The following RBFOX1 variants were observed in gnomAD, a reference collection of about 807,000 sequenced individuals.
RBFOX1 encodes the protein RNA binding protein fox-1 homolog 1.
In RBFOX1, 8 loss-of-function variants were observed where a neutral mutation model predicts 57.7. That is an observed-to-expected ratio of 0.14 (90% confidence interval 0.08 to 0.25). The LOEUF is 0.25. Among genes scored for constraint, RBFOX1 ranks in the 10% least tolerant of loss-of-function variants. The pLI is 1.00. For missense variants in RBFOX1, 611 were observed against 548.5 expected (o/e 1.11, Z -1.14); for synonymous variants, 326 against 222.4 (o/e 1.47, Z -4.15).
chr16:7,237,769 G>C (rs2093843861), intron 4 of RBFOX1, among the ~76,000 whole-genome samples: 1 of 152,220 alleles, frequency 6.6e-6, no homozygotes. Flanking sequence ...ACTTTGGGAG[G>C]GTGAGGCGGA....
chr16:6,167,146 T>G (rs1347051884), intron 1 of RBFOX1, among the ~76,000 whole-genome samples: 1 of 152,206 alleles, frequency 6.6e-6, no homozygotes, highest in Non-Finnish European at 1.5e-5. Context: ...GGCGTTGTGT[T>G]GCTAAAAGAA....
intron 3 of RBFOX1, among the ~76,000 whole-genome samples, chr16:7,017,740 C>T (rs922100591): frequency 2.1e-4 from 32 of 152,224 alleles, no homozygotes; most frequent in African/African-American, 7.2e-4. Flanking sequence ...AACCCTGTGA[C>T]AGGCCAACTT....
At chr16:6,506,848 A>G (rs540181501) in intron 2 of RBFOX1, among the ~76,000 whole-genome samples, 4 of 151,976 alleles carry the variant, frequency 2.6e-5, no homozygotes, top group Non-Finnish European at 4.4e-5. Context: ...GGGTTTGGCC[A>G]TGTTGGCCAG....
intron 3 of RBFOX1, among the ~76,000 whole-genome samples, chr16:5,790,473 A>G (rs1380065670): frequency 6.6e-6 from 1 of 151,894 alleles, no homozygotes; most frequent in East Asian, 1.9e-4. Flanking sequence ...TTGCTGCAAT[A>G]CAACTGTTGA....
chr16:6,963,534 C>G lies in RBFOX1; in HGVS notation c.-15-88523C>G, dbSNP rs111792994. On this transcript the variant is annotated intron_variant, in intron 3 of 15. Coordinates refer to ENST00000550418, the MANE Select transcript of RBFOX1 (RefSeq NM_018723.4). ...TGTTTGCAAAGGAGTGAATGACTCACTTGCAATGTAAAATGTACATTTTGG... is the reference window on the plus strand; with the variant it reads ...TGTTTGCAAAGGAGTGAATGACTCAGTTGCAATGTAAAATGTACATTTTGG... Among the ~76,000 whole-genome samples, 1,409 of 152,160 alleles carry G rather than the reference C, an allele frequency of 9.3e-3. 26 individuals carry two copies. Among genetic ancestry groups the G allele is most frequent in the African/African-American group, 0.033 (1,350 of 41,500 alleles).
chr16:6,618,189 C>T (rs572827215), intron 2 of RBFOX1, among the ~76,000 whole-genome samples: 19 of 152,128 alleles, frequency 1.2e-4, no homozygotes, highest in South Asian at 2.1e-4. Flanking sequence ...TCCAGTTCAC[C>T]TCCCAGCACC....
chr16:6,629,310 A>G (rs918191126), intron 2 of RBFOX1, among the ~76,000 whole-genome samples: 1 of 152,200 alleles, frequency 6.6e-6, no homozygotes, highest in African/African-American at 2.4e-5. Context: ...GCGAGGCTAC[A>G]CTGATGTAAC....
intron 3 of RBFOX1, among the ~76,000 whole-genome samples, chr16:6,829,219 T>G (rs1239586550): frequency 1.3e-5 from 2 of 148,450 alleles, no homozygotes; most frequent in Non-Finnish European, 3.0e-5. Flanking sequence ...GAAAAGCATT[T>G]TAAAGGAAGT....
rs551008364 is a variant in RBFOX1, at chr16:6,646,302, C to A, written c.-63-8301C>A. 3.3e-5 allele frequency among the ~76,000 whole-genome samples: 5 copies of A among 152,214 alleles called. No homozygotes were observed. The South Asian group carries it at 6.2e-4, about 19-fold the overall frequency. ...AGCATTGTTCAGAAGCAAATGCAGT[C>A]CCCTGGGGCGCCTCCCGCATAGATC... On this transcript the variant is annotated intron_variant, in intron 2 of 15. Coordinates refer to ENST00000550418, the MANE Select transcript of RBFOX1 (RefSeq NM_018723.4).
At chr16:7,689,928 G>A (rs1044030443) in intron 14 of RBFOX1, among the ~76,000 whole-genome samples, 11 of 152,020 alleles carry the variant, frequency 7.2e-5, no homozygotes, top group African/African-American at 2.7e-4. Context: ...AGGTTTGTGT[G>A]GTTGCATAGT....
At chr16:5,341,187 A>G (rs1281863096) in intron 1 of RBFOX1, among the ~76,000 whole-genome samples, 1 of 152,184 alleles carries the variant, frequency 6.6e-6, no homozygotes, top group Admixed American at 6.5e-5. Flanking sequence ...TGGAGAGGGT[A>G]GCAGGGACCA....
intron 3 of RBFOX1, among the ~76,000 whole-genome samples, chr16:5,810,169 C>G (rs193286407): frequency 7.6e-6 from 1 of 132,298 alleles, no homozygotes; most frequent in South Asian, 2.5e-4. Flanking sequence ...ACTCTGGGGA[C>G]TGTTATAGGG....
intron 3 of RBFOX1, among the ~76,000 whole-genome samples, chr16:6,775,262 C>G (rs1312514258): frequency 6.9e-6 from 1 of 145,316 alleles, no homozygotes; most frequent in Non-Finnish European, 1.5e-5. Context: ...ACCGGGAGGC[C>G]GAGCTTGCAG....
In RBFOX1 at chr16:7,320,608, C is replaced by G. The variant is rs560169430; in HGVS notation, c.28-197539C>G. On this transcript the variant is annotated intron_variant, in intron 4 of 15. Coordinates refer to ENST00000550418, the MANE Select transcript of RBFOX1 (RefSeq NM_018723.4). Reference sequence around the variant, plus strand: ...TGGACAGCTACCCAAATCAAACTTGCTTAAGCAAAAATGGGGATTTGTTGA... The same window carrying G: ...TGGACAGCTACCCAAATCAAACTTGGTTAAGCAAAAATGGGGATTTGTTGA... Among the ~76,000 whole-genome samples the G allele has an allele frequency of 3.9e-3, 597 of 152,260 alleles. 2 individuals carry two copies. The highest frequency in any genetic ancestry group is 5.9e-3 in the Non-Finnish European group (404 of 68,014).
At chr16:6,584,081 C>A (rs1420065) in intron 2 of RBFOX1, among the ~76,000 whole-genome samples, 65,623 of 151,100 alleles carry the variant, frequency 0.43, 15,969 homozygotes, top group East Asian at 0.66. Flanking sequence ...ACTGCAAATA[C>A]TGAAAGACCA....
chr16:7,664,688 G>A, intron 12 of RBFOX1: 1 of 597,014 alleles, frequency 1.7e-6, no homozygotes, highest in South Asian at 2.3e-5. Context: ...TGGGAAGTTT[G>A]GGACCTAGCA....
intron 3 of RBFOX1, chr16:6,776,145 C>G (rs541418122): frequency 6.5e-6 from 1 of 153,008 alleles, no homozygotes; most frequent in African/African-American, 2.4e-5. Flanking sequence ...GGCGTGGTGG[C>G]TCATGCCTGT....
chr16:6,767,747 C>T (rs1047959172), intron 3 of RBFOX1, among the ~76,000 whole-genome samples: 3 of 151,654 alleles, frequency 2.0e-5, no homozygotes, highest in African/African-American at 7.3e-5. Context: ...AACCCCATCT[C>T]TACTAAAAAT....
At chr16:6,562,266 C>A (rs1044037910) in intron 2 of RBFOX1, among the ~76,000 whole-genome samples, 1 of 152,200 alleles carries the variant, frequency 6.6e-6, no homozygotes, top group Admixed American at 6.5e-5. Context: ...CTTATCTGTA[C>A]AATTAGAGAT....
Sources: allele counts gnomAD v4.1 joint callset (sites outside exome capture counted in the v4.1 genomes callset), GRCh38; gene constraint gnomAD v4.1.1; transcripts MANE v1.5; gene names NCBI Gene and HGNC (gene_info 2026-07-23, HGNC 2026-07-21).